The following GABBR2 variants were observed in gnomAD, a reference collection of about 807,000 sequenced individuals.
GABBR2 encodes gamma-aminobutyric acid type B receptor subunit 2, also known as G-protein coupled receptor 51.
A neutral mutation model predicts 105.6 loss-of-function variants in GABBR2; 23 were observed. The observed-to-expected ratio is 0.22, with a 90% CI of 0.16 to 0.31. The LOEUF (loss-of-function observed/expected upper bound fraction) is 0.31. Ranked by LOEUF, GABBR2 falls within the 10% of genes least tolerant of loss-of-function variation. The pLI is 1.00. For synonymous variants in GABBR2, 478 were observed against 499.7 expected (o/e 0.96, Z 0.58); for missense variants, 734 against 1,245.5 (o/e 0.59, Z 6.18).
chr9:98,511,176 AGGC>A (rs1214853441), intron 3 of GABBR2, among the ~76,000 whole-genome samples: 43 of 152,222 alleles, frequency 2.8e-4, no homozygotes, highest in African/African-American at 9.9e-4. Context: ...AATGAAATGA[AGGC>A]AGAAATAAAG....
At chr9:98,438,216 CATCT>C (rs1359105357) in intron 7 of GABBR2, among the ~76,000 whole-genome samples, 11 of 135,942 alleles carry the variant, frequency 8.1e-5, no homozygotes, top group Middle Eastern at 7.6e-3. Flanking sequence ...TCCATCCATC[CATCT>C]ATATCTATAC....
intron 11 of GABBR2, among the ~76,000 whole-genome samples, chr9:98,376,355 G>A (rs1016480764): frequency 6.6e-6 from 1 of 152,204 alleles, no homozygotes; most frequent in African/African-American, 2.4e-5. Context: ...GGGTCTCCTT[G>A]TTGCCACAGA....
intron 1 of GABBR2, among the ~76,000 whole-genome samples, chr9:98,638,145 T>A (rs1829906182): frequency 6.6e-6 from 1 of 152,096 alleles, no homozygotes; most frequent in Admixed American, 6.6e-5. Context: ...AATGAGGAGC[T>A]AAAATTAACA....
intron 1 of GABBR2, among the ~76,000 whole-genome samples, chr9:98,616,914 T>A (rs1829594582): frequency 6.6e-6 from 1 of 152,176 alleles, no homozygotes; most frequent in African/African-American, 2.4e-5. Context: ...AGTTTCTGAT[T>A]TAGGCATTTG....
intron 7 of GABBR2, among the ~76,000 whole-genome samples, chr9:98,446,003 T>C (rs1826121771): frequency 6.6e-6 from 1 of 152,206 alleles, no homozygotes. Flanking sequence ...CACATTAAGG[T>C]AACTTTCAAA....
intron 3 of GABBR2, among the ~76,000 whole-genome samples, chr9:98,526,843 C>T (rs1827971818): frequency 6.6e-6 from 1 of 152,064 alleles, no homozygotes; most frequent in Non-Finnish European, 1.5e-5. Context: ...AGGCATCTGA[C>T]ATTTTAGCAT....
At chr9:98,591,701 C>T (rs2131796267) in intron 1 of GABBR2, among the ~76,000 whole-genome samples, 2 of 152,286 alleles carry the variant, frequency 1.3e-5, no homozygotes, top group African/African-American at 4.8e-5. Flanking sequence ...ATCAACAAGA[C>T]TCGTTCAAAT....
chr9:98,597,573 C>A (rs1829256402), intron 1 of GABBR2, among the ~76,000 whole-genome samples: 1 of 152,098 alleles, frequency 6.6e-6, no homozygotes, highest in African/African-American at 2.4e-5. Flanking sequence ...GGGCTTGAGG[C>A]CAGCCTGTCT....
chr9:98,664,637 C>A (rs2131855883), intron 1 of GABBR2, among the ~76,000 whole-genome samples: 1 of 152,214 alleles, frequency 6.6e-6, no homozygotes, highest in East Asian at 1.9e-4. Flanking sequence ...TGCAGGACAC[C>A]ATATTGGTCT....
rs1005352421 is a variant in GABBR2 at position 98,590,862 on chromosome 9, A to G, written c.322-12790T>C. Among the ~76,000 whole-genome samples the G allele has an allele frequency of 4.6e-5, 7 of 152,332 alleles. 1 individual carries two copies. Among genetic ancestry groups the G allele is most frequent in the Middle Eastern group, 6.8e-3 (2 of 294 alleles). On this transcript the variant is annotated intron_variant, in intron 1 of 18. Coordinates refer to ENST00000259455, the MANE Select transcript of GABBR2 (RefSeq NM_005458.8). ...TGGAGTGGGTGAGAGACATGGAAAT[A>G]ATTTAGCAACATGTAGTAAATGGTG...
chr9:98,299,386 C>G, intron 16 of GABBR2, 33 bp from the exon 17 acceptor site: 1 of 1,613,116 alleles, frequency 6.2e-7, no homozygotes, highest in Non-Finnish European at 8.5e-7. Flanking sequence ...GAGTCAGGTC[C>G]CTGGCCCAGC....
rs748191490 is a variant in GABBR2, at chr9:98,311,190, G to A, written c.1909C>T (p.Arg637Trp). 9.3e-6 allele frequency: 15 copies of A among 1,611,080 alleles called. No individual in the cohort carries two copies. Among genetic ancestry groups the A allele is most frequent in the African/African-American group, 1.3e-5 (1 of 74,948 alleles). Residue 637 changes from arginine (R) to tryptophan (W), a missense_variant, in exon 14 of 19, where the codon CGG becomes TGG. Arg to Trp is a moderately radical substitution (Grantham distance 101). Coordinates refer to ENST00000259455, the MANE Select transcript of GABBR2 (RefSeq NM_005458.8). ...AGGAGAGGGCGGATGGAGATATCCC[G>A]TCCTGCTGGGTCCGGCTGTGCAAAG... ...KYSMEPDPAG[R>W]DISIRPLLEH... is the part of the protein sequence containing the mutation.
chr9:98,665,110 T>G (rs973203041), intron 1 of GABBR2, among the ~76,000 whole-genome samples: 21 of 151,968 alleles, frequency 1.4e-4, no homozygotes, highest in Admixed American at 3.9e-4. Flanking sequence ...CTACATAAAA[T>G]TTTTAAAAAT....
At chr9:98,370,285 T>C (rs991152774) in intron 12 of GABBR2, among the ~76,000 whole-genome samples, 1 of 151,942 alleles carries the variant, frequency 6.6e-6, no homozygotes, top group Non-Finnish European at 1.5e-5. Context: ...AAGCCACAAA[T>C]AGCCAATTGG....
intron 1 of GABBR2, among the ~76,000 whole-genome samples, chr9:98,648,939 A>G (rs2131844136): frequency 6.6e-6 from 1 of 152,278 alleles, no homozygotes; most frequent in African/African-American, 2.4e-5. Context: ...TAGGCATCTG[A>G]GTTACTTTCC....
intron 8 of GABBR2, among the ~76,000 whole-genome samples, chr9:98,397,034 C>A (rs1832305498): frequency 6.6e-6 from 1 of 152,114 alleles, no homozygotes; most frequent in Non-Finnish European, 1.5e-5. Flanking sequence ...GGTTAAGTAC[C>A]CACTCAGAGC....
chr9:98,623,283 G>C (rs1178105445), intron 1 of GABBR2, among the ~76,000 whole-genome samples: 3 of 152,120 alleles, frequency 2.0e-5, no homozygotes, highest in Non-Finnish European at 4.4e-5. Context: ...AAATTAGCTG[G>C]GGGTGGTGGC....
intron 11 of GABBR2, among the ~76,000 whole-genome samples, chr9:98,377,555 T>C (rs1831898630): frequency 6.6e-6 from 1 of 152,224 alleles, no homozygotes; most frequent in Non-Finnish European, 1.5e-5. Flanking sequence ...GTTTTCAATC[T>C]ACACTGCCAG....
In GABBR2 at chr9:98,358,162, G is replaced by T. The variant is rs142241669; in HGVS notation, c.1893+4553C>A. Reference sequence around the variant, plus strand: ...GTTTTTGGCTGTTATAAACAGTGCTGCTGTGAACACCCAGGCTTGGGTCTC... The same window carrying T: ...GTTTTTGGCTGTTATAAACAGTGCTTCTGTGAACACCCAGGCTTGGGTCTC... On this transcript the variant is annotated intron_variant, in intron 13 of 18. Coordinates refer to ENST00000259455, the MANE Select transcript of GABBR2 (RefSeq NM_005458.8). Among the ~76,000 whole-genome samples, 348 of 152,338 alleles carry T rather than the reference G, an allele frequency of 2.3e-3. 2 individuals are homozygous for T. The highest frequency in any genetic ancestry group is 7.9e-3 in the African/African-American group (330 of 41,582).
Sources: gnomAD v4.1 joint callset for allele counts (sites outside exome capture counted in the v4.1 genomes callset) on GRCh38, gnomAD v4.1.1 for gene constraint, MANE v1.5 for transcripts, NCBI Gene and HGNC (gene_info 2026-07-23, HGNC 2026-07-21) for gene names.